Variants in KLHL35 observed in about 807,000 individuals in gnomAD.
The protein encoded by KLHL35 is kelch-like protein 35.
A neutral mutation model predicts 44.0 loss-of-function variants in KLHL35; 50 were observed. The observed-to-expected ratio is 1.14, with a 90% CI of 0.91 to 1.44. KLHL35 has a LOEUF of 1.44. Among genes scored for constraint, KLHL35 ranks in the 40% most tolerant of loss-of-function variants. The pLI, the probability that KLHL35 is intolerant of heterozygous loss-of-function variation, is 0.00. For synonymous variants in KLHL35, 470 were observed against 410.4 expected (o/e 1.15, Z -1.76); for missense variants, 1,049 against 887.8 (o/e 1.18, Z -2.31).
chr11:75,428,489 C>G lies in KLHL35; in HGVS notation c.1019G>C (p.Arg340Pro), dbSNP rs565424293. ...TPLPSLPGYT[R>P]SEFAACALRN... ...GAGAGCACAGGCGGCGAATTCTGAGCGAGTGTAGCCGGGCAGGCTGGGCAG... is the reference window on the plus strand; with the variant it reads ...GAGAGCACAGGCGGCGAATTCTGAGGGAGTGTAGCCGGGCAGGCTGGGCAG... The change falls in exon 3 of 7, where the codon CGC becomes CCC. Residue 340 changes from arginine to proline, a missense_variant. Physicochemically the swap from Arg to Pro is moderately radical, Grantham distance 103. Coordinates refer to ENST00000539798, the MANE Select transcript of KLHL35 (RefSeq NM_001039548.3). 22 of 1,612,486 alleles carry G rather than the reference C, an allele frequency of 1.4e-5. No homozygotes were observed. In the African/African-American group the frequency reaches 2.7e-4, roughly 20 times the overall value.
intron 2 of KLHL35, 45 bp from the exon 3 acceptor site, chr11:75,428,671 T>G: frequency 6.7e-7 from 1 of 1,501,266 alleles, no homozygotes; most frequent in Non-Finnish European, 9.0e-7. Context: ...GCACCCAAGT[T>G]CGGCCCTCTC....
rs560229948 is a variant in KLHL35, at chr11:75,431,456, C to G, written c.-1-826G>C. 7.2e-5 allele frequency among the ~76,000 whole-genome samples: 11 copies of G among 152,254 alleles called. No homozygotes were observed. The East Asian group carries it at 1.7e-3, about 24-fold the overall frequency. On this transcript the variant is annotated intron_variant, in intron 1 of 6. Transcript: ENST00000539798. ...GTTAGGGGAGTTCATAGAAGGGCCG[C>G]TGGACCCAGGTGGAGGGGAGTCAGG...
chr11:75,426,886 CG>C (rs1948496870), intron 3 of KLHL35: 1 of 367,798 alleles, frequency 2.7e-6, no homozygotes, highest in Admixed American at 4.1e-5. Flanking sequence ...TGGTTTTCGC[CG>C]GGCACCTTGT....
In KLHL35 at chr11:75,430,287, C is replaced by T. The variant is rs1238595923; in HGVS notation, c.343G>A (p.Val115Met). 10 of 1,221,408 alleles carry T rather than the reference C, an allele frequency of 8.2e-6. No homozygotes were observed. Among genetic ancestry groups the T allele is most frequent in the East Asian group, 4.0e-5 (1 of 25,174 alleles). The allele number at this position is 1,221,408 out of a possible 1,614,324, so 75.7% of individuals were successfully genotyped here. Residue 115 changes from valine (V) to methionine (M), a missense_variant, in exon 2 of 7, where the codon GTG becomes ATG. Coordinates refer to ENST00000539798, the MANE Select transcript of KLHL35 (RefSeq NM_001039548.3). ...VVLDYVYGAG[V>M]RLRAEDEAAA... ...GCCTCGTCCTCCGCGCGCAGCCGCA[C>T]GCCCGCTCCGTACACGTAGTCGAGC...
intron 1 of KLHL35, among the ~76,000 whole-genome samples, chr11:75,431,921 G>A (rs1482823896): frequency 6.6e-6 from 1 of 152,180 alleles, no homozygotes; most frequent in Non-Finnish European, 1.5e-5. Context: ...ATCCTCACAA[G>A]CTGAGAAGTT....
chr11:75,425,680 C>A (rs1948485653), intron 4 of KLHL35, 99 bp from the exon 5 acceptor site: 1 of 1,131,632 alleles, frequency 8.8e-7, no homozygotes, highest in Non-Finnish European at 1.2e-6. Context: ...GGAAACTATC[C>A]CTGTCCCCAA....
In KLHL35 at chr11:75,429,896, G is replaced by C. The variant is rs1405240102; in HGVS notation, c.734C>G (p.Pro245Arg). 2 of 1,512,314 alleles carry C rather than the reference G, an allele frequency of 1.3e-6. No individual in the cohort carries two copies. The highest frequency in any genetic ancestry group is 1.8e-6 in the Non-Finnish European group (2 of 1,140,508). The allele number at this position is 1,512,314 out of a possible 1,614,324, so 93.7% of individuals were successfully genotyped here. ...CAGGAAGTAAGCGGGCGCCAGTAGC[G>C]GCAGGCGCACGTGCTCCAGCAGGCG... is the stretch of plus-strand genomic sequence containing the variant. ...LRRLLEHVRL[P>R]LLAPAYFLEK... is the part of the protein sequence containing the mutation. The change falls in exon 2 of 7, where the codon CCG becomes CGG. Residue 245 changes from proline (P) to arginine (R), a missense_variant. Transcript: ENST00000539798.
At chr11:75,423,611 T>A in intron 6 of KLHL35, 81 bp downstream of exon 6, 1 of 1,164,552 alleles carries the variant, frequency 8.6e-7, no homozygotes, top group Non-Finnish European at 1.3e-6. Flanking sequence ...CCACCTAGGA[T>A]GGAGTCACAA....
Position 75,430,558 on chromosome 11 carries a change from C to G in KLHL35, c.72G>C (p.Ala24=). The part of the protein sequence containing the change: ...CEAPCAGPCH[A]QRVLQALNAY... ...CGTTCAGGGCCTGCAGCACGCGCTG[C>G]GCGTGGCACGGACCCGCGCACGGCG... The change falls in exon 2 of 7, where the codon GCG becomes GCC. Residue 24 remains alanine, a synonymous_variant. Transcript: ENST00000539798. The G allele has an allele frequency of 6.9e-7, 1 of 1,456,046 alleles. No individual in the cohort carries two copies. The highest frequency in any genetic ancestry group is 9.0e-7 in the Non-Finnish European group (1 of 1,109,298). The allele number at this position is 1,456,046 out of a possible 1,614,324, so 90.2% of individuals were successfully genotyped here.
chr11:75,423,985 G>A (rs983173908), intron 5 of KLHL35, 105 bp from the exon 6 acceptor site: 15 of 896,474 alleles, frequency 1.7e-5, no homozygotes, highest in African/African-American at 3.4e-5. Flanking sequence ...CATTCAAAAC[G>A]ACATTTGCCA....
In KLHL35 at chr11:75,430,125, G is replaced by C; in HGVS notation, c.505C>G (p.Pro169Ala). The change falls in exon 2 of 7, where the codon CCG becomes GCG. Residue 169 changes from proline to alanine, a missense_variant. Coordinates refer to ENST00000539798, the MANE Select transcript of KLHL35 (RefSeq NM_001039548.3). ...ACGCGGCCGCAGCGCTCGGCCAGCG[G>C]GGCCAGCGAGAAGGCGGCGGCCACG... ...RRVAAAFSLA[P>A]LAERCGRVLR... The C allele has an allele frequency of 1.6e-6, 2 of 1,267,022 alleles. No homozygotes were observed. Among genetic ancestry groups the C allele is most frequent in the South Asian group, 2.6e-5 (1 of 38,504 alleles). The allele number at this position is 1,267,022 out of a possible 1,614,324, so 78.5% of individuals were successfully genotyped here.
intron 1 of KLHL35, among the ~76,000 whole-genome samples, chr11:75,432,044 G>T (rs1948541416): frequency 6.6e-6 from 1 of 152,300 alleles, no homozygotes; most frequent in South Asian, 2.1e-4. Flanking sequence ...TTGTGAAGGC[G>T]CTCTGCAGAC....
At position 75,429,751 on chromosome 11, in the gene KLHL35, C is replaced by G. The variant is rs774562334; in HGVS notation, c.879G>C (p.Arg293=). 1 of 1,462,616 alleles carries G rather than the reference C, an allele frequency of 6.8e-7. No individual in the cohort carries two copies. Among genetic ancestry groups the G allele is most frequent in the African/African-American group, 1.5e-5 (1 of 67,620 alleles). The allele number at this position is 1,462,616 out of a possible 1,614,324, so 90.6% of individuals were successfully genotyped here. ...AAGCTAGGGGATGGCGGCCCTACCT[C>G]CGCGGCCGGGTCCGCAGCGCACCGG... ...REAGALRTRP[R]RFMDLAEVIV... Residue 293 remains arginine, a splice_region_variant and synonymous_variant, in exon 2 of 7, where the codon CGG becomes CGC. Coordinates refer to ENST00000539798, the MANE Select transcript of KLHL35 (RefSeq NM_001039548.3).
intron 1 of KLHL35, among the ~76,000 whole-genome samples, chr11:75,432,627 A>G (rs1029851981): frequency 6.6e-6 from 1 of 152,182 alleles, no homozygotes; most frequent in South Asian, 2.1e-4. Context: ...TGGGGGAGAA[A>G]GAGTCCCCTC....
intron 2 of KLHL35, 35 bp downstream of exon 2, chr11:75,429,714 A>G: frequency 7.0e-7 from 1 of 1,419,980 alleles, no homozygotes; most frequent in South Asian, 1.5e-5. Flanking sequence ...GGCGGGAAGA[A>G]CGGAGGGCGG....
intron 3 of KLHL35, among the ~76,000 whole-genome samples, chr11:75,428,168 A>G (rs1393272813): frequency 6.6e-6 from 1 of 152,268 alleles, no homozygotes; most frequent in Non-Finnish European, 1.5e-5. Flanking sequence ...TTCGGCACAT[A>G]GTAGGCTAGT....
intron 6 of KLHL35, 30 bp downstream of exon 6, chr11:75,423,662 C>T (rs746955126): frequency 8.1e-6 from 13 of 1,599,530 alleles, no homozygotes; most frequent in Non-Finnish European, 1.0e-5. Context: ...GAAGCGGGTT[C>T]CGCTCTCCTG....
chr11:75,426,895 T>TGTG (rs1167267610), intron 3 of KLHL35: 8 of 358,444 alleles, frequency 2.2e-5, no homozygotes, highest in South Asian at 1.0e-4. Flanking sequence ...CCGGGCACCT[T>TGTG]GTGGTGGTGG....
At chr11:75,431,607 G>A (rs1948537968) in intron 1 of KLHL35, among the ~76,000 whole-genome samples, 1 of 152,192 alleles carries the variant, frequency 6.6e-6, no homozygotes, top group Non-Finnish European at 1.5e-5. Flanking sequence ...AGGTAGCACC[G>A]TCAGAAAGTG....
Sources: gnomAD v4.1 joint callset for allele counts (sites outside exome capture counted in the v4.1 genomes callset) on GRCh38, gnomAD v4.1.1 for gene constraint, MANE v1.5 for transcripts, NCBI Gene and HGNC (gene_info 2026-07-23, HGNC 2026-07-21) for gene names.